The following MPRIP variants were observed in gnomAD, a reference collection of about 807,000 sequenced individuals.
The protein encoded by MPRIP is myosin phosphatase Rho-interacting protein.
In MPRIP, 59 loss-of-function variants were observed where a neutral mutation model predicts 234.9. The ratio of observed to expected loss-of-function variants is 0.25; its 90% CI spans 0.20 to 0.31. MPRIP has a LOEUF of 0.31. MPRIP is among the 10% of genes least tolerant of loss of function. MPRIP has a pLI of 1.00. For missense variants in MPRIP, 2,436 were observed against 3,071.0 expected (o/e 0.79, Z 4.89); for synonymous variants, 1,144 against 1,263.9 (o/e 0.91, Z 2.01).
chr17:17,167,563 A>C lies in MPRIP; in HGVS notation c.5972A>C (p.His1991Pro). The change falls in exon 16 of 24, where the codon CAT becomes CCT. Residue 1991 changes from histidine to proline, a missense_variant. His to Pro is a moderately conservative substitution (Grantham distance 77). Transcript: ENST00000651222. This position sits in a 1 kb window ranked among gnomAD's most constrained non-coding sequence, Gnocchi z 5.9. ...VRDRQDMERH[H>P]GEQIQTLEDR... ...GACAGGCAGGACATGGAGAGGCATCATGGTGAGCAGATACAGACCCTGGAG... is the reference window on the plus strand; with the variant it reads ...GACAGGCAGGACATGGAGAGGCATCCTGGTGAGCAGATACAGACCCTGGAG... 1 of 1,304,272 alleles carries C rather than the reference A, an allele frequency of 7.7e-7. No homozygotes were observed. The highest frequency in any genetic ancestry group is 1.0e-6 in the Non-Finnish European group (1 of 988,958). The allele number at this position is 1,304,272 out of a possible 1,614,324, so 80.8% of individuals were successfully genotyped here.
intron 4 of MPRIP, among the ~76,000 whole-genome samples, chr17:17,130,224 G>A (rs1480761831): frequency 6.6e-6 from 1 of 152,108 alleles, no homozygotes; most frequent in Admixed American, 6.5e-5. Context: ...CTGTGGTTCC[G>A]TGCATTAAGC....
rs2046567501 is a variant in MPRIP at position 17,190,600 on chromosome 17, G to A, written c.*5706G>A. The A allele has an allele frequency of 6.6e-6, 1 of 152,186 alleles. No individual in the cohort carries two copies. Among genetic ancestry groups the A allele is most frequent in the African/African-American group, 2.4e-5 (1 of 41,440 alleles). The allele number at this position is 152,186 out of a possible 1,614,324, so 9.4% of individuals were successfully genotyped here. ...CCTGTTCATTCTTTTGCCCTTTTCA[G>A]AACTGTGAGCTTCAAGTATTCTTGC... On this transcript the variant is annotated 3_prime_UTR_variant, in exon 24 of 24. Coordinates refer to ENST00000651222, the MANE Select transcript of MPRIP (RefSeq NM_001364716.4).
chr17:17,049,335 T>C (rs559391531), intron 1 of MPRIP, among the ~76,000 whole-genome samples: 1 of 152,312 alleles, frequency 6.6e-6, no homozygotes, highest in South Asian at 2.1e-4. Flanking sequence ...GCTTCTTGAC[T>C]TATGATGGGA....
intron 3 of MPRIP, among the ~76,000 whole-genome samples, chr17:17,083,735 T>C (rs938102195): frequency 2.0e-5 from 3 of 151,878 alleles, no homozygotes; most frequent in Non-Finnish European, 4.4e-5. Context: ...TTGTTGTTGT[T>C]TTTGTTTTTG....
chr17:17,062,876 G>A (rs964679099), intron 1 of MPRIP, among the ~76,000 whole-genome samples: 9 of 152,250 alleles, frequency 5.9e-5, no homozygotes, highest in African/African-American at 2.2e-4. Flanking sequence ...CAGGAGTGTG[G>A]AAGCATCGTG....
chr17:17,114,432 T>C (rs1183143876), intron 3 of MPRIP, among the ~76,000 whole-genome samples: 2 of 152,156 alleles, frequency 1.3e-5, no homozygotes, highest in African/African-American at 4.8e-5. Context: ...AGTTTATCTT[T>C]TTTTTTTCTT....
In MPRIP at chr17:17,064,201, G is replaced by GTTT. The variant is rs752475475; in HGVS notation, c.124-11507_124-11505dup. 2.3e-3 allele frequency among the ~76,000 whole-genome samples: 337 copies of GTTT among 144,154 alleles called. 9 individuals carry two copies. Among genetic ancestry groups the GTTT allele is most frequent in the African/African-American group, 8.0e-3 (301 of 37,678 alleles). 94.6% of individuals were successfully genotyped at this position (144,154 alleles called of 152,430 possible). A position where few individuals can be genotyped will look rare whatever the true frequency, so the allele number is the denominator to read the frequency against. ...TGAGTTTTGTTTTTCGGTTTTTTTT[G>GTTT]TTTTGTTTTTTTTTTTTTGAGATGG... On this transcript the variant is annotated intron_variant, in intron 1 of 23. Coordinates refer to ENST00000651222, the MANE Select transcript of MPRIP (RefSeq NM_001364716.4).
At chr17:17,075,176 T>A (rs1013769598) in intron 1 of MPRIP, among the ~76,000 whole-genome samples, 1 of 152,190 alleles carries the variant, frequency 6.6e-6, no homozygotes, top group African/African-American at 2.4e-5. Flanking sequence ...TTGTCATCAC[T>A]CTCACTTTTC....
chr17:17,155,163 C>T lies in MPRIP; in HGVS notation c.1829+748C>T, dbSNP rs778944307. ...AGGTCATGTGATGTAGATTACATCT[C>T]GAATGTGTTTCTTGTGCTGTGGGTT... On this transcript the variant is annotated intron_variant, in intron 13 of 23. Transcript: ENST00000651222. 8.6e-4 allele frequency among the ~76,000 whole-genome samples: 131 copies of T among 152,036 alleles called. 1 individual carries two copies. Among genetic ancestry groups the T allele is most frequent in the Non-Finnish European group, 1.6e-3 (109 of 68,008 alleles).
chr17:17,172,834 C>G lies in MPRIP; in HGVS notation c.6590+19C>G. The stretch of plus-strand genomic sequence containing the variant: ...AGTACCTGTAAGTGGCTGGGCCTGC[C>G]CATCTGCCCTTGGGAGGGCCCCTCT... On this transcript the variant is annotated intron_variant, in intron 18 of 23. Coordinates refer to ENST00000651222, the MANE Select transcript of MPRIP (RefSeq NM_001364716.4). The G allele has an allele frequency of 1.2e-6, 2 of 1,602,654 alleles. No individual in the cohort carries two copies. Among genetic ancestry groups the G allele is most frequent in the East Asian group, 4.5e-5 (2 of 44,806 alleles).
Position 17,165,830 on chromosome 17 carries a change from G to GGCACTGCTC in MPRIP, c.4247_4255dup (p.Leu1416_Leu1418dup), listed in dbSNP as rs2045978614. 1 of 1,304,096 alleles carries GGCACTGCTC rather than the reference G, an allele frequency of 7.7e-7. No individual in the cohort carries two copies. Among genetic ancestry groups the GGCACTGCTC allele is most frequent in the Non-Finnish European group, 1.0e-6 (1 of 989,000 alleles). The allele number at this position is 1,304,096 out of a possible 1,614,324, so 80.8% of individuals were successfully genotyped here. A position where few individuals can be genotyped will look rare whatever the true frequency, so the allele number is the denominator to read the frequency against. On this transcript the variant is annotated inframe_insertion, in exon 16 of 24. Coordinates refer to ENST00000651222, the MANE Select transcript of MPRIP (RefSeq NM_001364716.4). ...AGAGCCAGCAGGGTCAGAGCCGTGA[G>GGCACTGCTC]GCACTGCTCGCACTGCACCACCAGT... is the stretch of plus-strand genomic sequence containing the variant.
chr17:17,152,919 A>C (rs1261056662), intron 12 of MPRIP, among the ~76,000 whole-genome samples: 2 of 152,166 alleles, frequency 1.3e-5, no homozygotes, highest in Non-Finnish European at 2.9e-5. Flanking sequence ...TCACAGAAGC[A>C]GGGGGATCCC....
rs563166404 is a variant in MPRIP at position 17,186,504 on chromosome 17, C to G, written c.*1610C>G. 1.4e-4 allele frequency: 21 copies of G among 152,332 alleles called. No homozygotes were observed. Among genetic ancestry groups the G allele is most frequent in the African/African-American group, 4.6e-4 (19 of 41,560 alleles). 9.4% of individuals were successfully genotyped at this position (152,332 alleles called of 1,614,324 possible). On this transcript the variant is annotated 3_prime_UTR_variant, in exon 24 of 24. Coordinates refer to ENST00000651222, the MANE Select transcript of MPRIP (RefSeq NM_001364716.4). ...AAGGCTCTTAACCCACACTTTCACTCCTCTGCTACTAGTCTTCAGTGTTGT... is the reference window on the plus strand; with the variant it reads ...AAGGCTCTTAACCCACACTTTCACTGCTCTGCTACTAGTCTTCAGTGTTGT...
Position 17,191,487 on chromosome 17 carries a change from T to G in MPRIP, c.*6593T>G, listed in dbSNP as rs1404754950. ...TTTACAGCACCTATTTTTGTCAGAT[T>G]GGTAAGGAAACACTGAGTCACAGAA... On this transcript the variant is annotated 3_prime_UTR_variant, in exon 24 of 24. Transcript: ENST00000651222. 1.3e-5 allele frequency: 2 copies of G among 152,202 alleles called. No individual in the cohort carries two copies. The highest frequency in any genetic ancestry group is 2.9e-5 in the Non-Finnish European group (2 of 68,042). 9.4% of individuals were successfully genotyped at this position (152,202 alleles called of 1,614,324 possible). A position where few individuals can be genotyped will look rare whatever the true frequency, so the allele number is the denominator to read the frequency against.
chr17:17,150,064 A>G, intron 11 of MPRIP, 80 bp from the exon 12 acceptor site: 1 of 1,022,022 alleles, frequency 9.8e-7, no homozygotes, highest in Non-Finnish European at 1.5e-6. Context: ...CAGTGCAGAA[A>G]ATCACTTACG....
chr17:17,150,268 G>A (rs539409875), intron 12 of MPRIP, 35 bp downstream of exon 12: 12 of 1,509,752 alleles, frequency 7.9e-6, no homozygotes, highest in Non-Finnish European at 1.0e-5. Context: ...CCACAGGCTT[G>A]ACAGGCAGGG....
chr17:17,078,828 G>T lies in MPRIP; in HGVS notation c.267+752G>T, dbSNP rs2089395962. 6.6e-6 allele frequency among the ~76,000 whole-genome samples: 1 copy of T among 152,182 alleles called. No individual in the cohort carries two copies. Among genetic ancestry groups the T allele is most frequent in the Admixed American group, 6.5e-5 (1 of 15,274 alleles). ...GGACTGCATTCCAAACTTTGTAAAGGGTTGAAGATGCGAGATTTGATCGCC... is the reference window on the plus strand; with the variant it reads ...GGACTGCATTCCAAACTTTGTAAAGTGTTGAAGATGCGAGATTTGATCGCC... On this transcript the variant is annotated intron_variant, in intron 3 of 23. Transcript: ENST00000651222. This position sits in a 1 kb window ranked among gnomAD's most constrained non-coding sequence, Gnocchi z 4.3.
chr17:17,149,272 C>T (rs2045544971), intron 11 of MPRIP, among the ~76,000 whole-genome samples: 1 of 152,204 alleles, frequency 6.6e-6, no homozygotes, highest in Admixed American at 6.5e-5. Flanking sequence ...GCAGGCGGAT[C>T]ACCTGAGGTC....
rs61744862 is a variant in MPRIP at position 17,164,868 on chromosome 17, G to A, written c.3277G>A (p.Val1093Met). Residue 1093 changes from valine (V) to methionine (M), a missense_variant, in exon 16 of 24, where the codon GTG (valine) becomes ATG (methionine). Coordinates refer to ENST00000651222, the MANE Select transcript of MPRIP (RefSeq NM_001364716.4). The stretch of plus-strand genomic sequence containing the variant: ...GCAGCTGGAGGCACGAGAGGCCAGC[G>A]TGCGCAGGCTCGCAGAGCACGTGCA... The part of the protein sequence containing the change: ...EEQLEAREAS[V>M]RRLAEHVQSL... The A allele has an allele frequency of 1.2e-3, 1,611 of 1,304,052 alleles. 17 individuals carry two copies. In the African/African-American group the frequency reaches 0.022, roughly 18 times the overall value. The allele number at this position is 1,304,052 out of a possible 1,614,324, so 80.8% of individuals were successfully genotyped here.
Sources: gnomAD v4.1 joint callset for allele counts (sites outside exome capture counted in the v4.1 genomes callset) on GRCh38, gnomAD v4.1.1 for gene constraint, Gnocchi (gnomAD v3.1) non-coding constraint, MANE v1.5 for transcripts, NCBI Gene and HGNC (gene_info 2026-07-23, HGNC 2026-07-21) for gene names.